CAPS2: variants seen among roughly 807,000 people sequenced by gnomAD.
CAPS2 encodes the protein calcyphosin-2.
A neutral mutation model predicts 86.5 loss-of-function variants in CAPS2; 98 were observed. That is an observed-to-expected ratio of 1.13 (90% CI 0.96 to 1.34). The LOEUF (loss-of-function observed/expected upper bound fraction) is 1.34, where lower values mean the gene tolerates loss of function less well. Among genes scored for constraint, CAPS2 ranks in the 40% most tolerant of loss-of-function variants. The pLI is 0.00. For synonymous variants in CAPS2, 210 were observed against 225.1 expected (o/e 0.93, Z 0.60); for missense variants, 729 against 686.8 (o/e 1.06, Z -0.69).
intron 11 of CAPS2, chr12:75,298,275 A>G (rs1272081447): frequency 1.8e-5 from 3 of 164,040 alleles, no homozygotes; most frequent in Non-Finnish European, 4.0e-5. Context: ...CTATCCATCA[A>G]AAAAATGACA....
At chr12:75,326,567 A>C (rs1363700307), upstream of CAPS2, 6 of 871,844 alleles carry the variant, frequency 6.9e-6, no homozygotes, top group Admixed American at 1.3e-4. Flanking sequence ...GGTAATTCTT[A>C]CTCTAATTTT....
Position 75,296,483 on chromosome 12 carries a change from G to A in CAPS2, c.1044+2204C>T, listed in dbSNP as rs1325002375. Among the ~76,000 whole-genome samples the A allele has an allele frequency of 2.6e-5, 4 of 152,030 alleles. No individual in the cohort carries two copies. The South Asian group carries it at 6.2e-4, about 24-fold the overall frequency. On this transcript the variant is annotated intron_variant, in intron 11 of 16. Transcript: ENST00000393284. ...ATTTTTTTGTATTTTTAGTAGAGAC[G>A]GGGTTTCACTGTGTTAGCCAGGATG...
chr12:75,363,132 A>G (rs1301889720), intron 1 of CAPS2: 7 of 1,561,350 alleles, frequency 4.5e-6, no homozygotes, highest in Non-Finnish European at 6.0e-6. Context: ...CTCCTTACGT[A>G]AGAGGAGAAT....
chr12:75,278,013 T>C, exon 17 of CAPS2: 1 of 896,102 alleles, frequency 1.1e-6, no homozygotes, highest in Non-Finnish European at 1.3e-6. Context: ...TTTCACATTT[T>C]AGGCAATAAT....
chr12:75,308,419 C>T (rs1593422078), intron 7 of CAPS2, among the ~76,000 whole-genome samples: 1 of 152,246 alleles, frequency 6.6e-6, no homozygotes, highest in Non-Finnish European at 1.5e-5. Context: ...TGCAATCAGG[C>T]CCTTGAGCCA....
intron 13 of CAPS2, among the ~76,000 whole-genome samples, chr12:75,290,314 G>A (rs572999036): frequency 2.0e-5 from 3 of 152,232 alleles, no homozygotes; most frequent in Non-Finnish European, 2.9e-5. Flanking sequence ...TTCATAAGAG[G>A]TTATTTGCTT....
chr12:75,321,032 A>G (rs546767660), intron 5 of CAPS2, among the ~76,000 whole-genome samples: 46 of 152,164 alleles, frequency 3.0e-4, no homozygotes, highest in Non-Finnish European at 6.6e-4. Context: ...CAAATCACTT[A>G]TCAATTTTAA....
At chr12:75,367,268 GAA>G (rs35250320) in intron 1 of CAPS2, among the ~76,000 whole-genome samples, 2,803 of 88,790 alleles carry the variant, frequency 0.032, 40 homozygotes, top group African/African-American at 0.068. Flanking sequence ...TTCCTAGGAG[GAA>G]AAAAAAAAAA....
rs1265303041 is a variant in CAPS2 at position 75,282,669 on chromosome 12, G to A, written c.1516-322C>T. Among the ~76,000 whole-genome samples the A allele has an allele frequency of 3.9e-5, 6 of 152,170 alleles. No homozygotes were observed. The East Asian group carries it at 9.6e-4, about 24-fold the overall frequency. On this transcript the variant is annotated intron_variant, in intron 15 of 16. Coordinates refer to ENST00000393284, the Ensembl canonical transcript of CAPS2. ...CCCAAAGTACTGGGATTATAGGCAT[G>A]AGCCACCACGTCCGGCCTGGCAAAT...
chr12:75,299,475 T>C (rs1224592763), intron 9 of CAPS2, among the ~76,000 whole-genome samples: 2 of 152,156 alleles, frequency 1.3e-5, no homozygotes, highest in African/African-American at 4.8e-5. Flanking sequence ...TTACTGCACC[T>C]ATCAATAATC....
At chr12:75,325,819 G>A (rs563680770) in intron 1 of CAPS2, among the ~76,000 whole-genome samples, 107 of 152,128 alleles carry the variant, frequency 7.0e-4, no homozygotes, top group African/African-American at 2.1e-3. Flanking sequence ...GGGGGGTAGG[G>A]CCAAGCTGTT....
intron 1 of CAPS2, among the ~76,000 whole-genome samples, chr12:75,382,945 C>G (rs1157406712): frequency 4.6e-5 from 7 of 152,098 alleles, no homozygotes; most frequent in Non-Finnish European, 4.4e-5. Flanking sequence ...TTCCAATGCC[C>G]TCAGGAAACC....
At chr12:75,299,965 G>A in intron 8 of CAPS2, 54 bp from the exon 9 acceptor site, 2 of 704,338 alleles carry the variant, frequency 2.8e-6, no homozygotes, top group South Asian at 2.4e-5. Flanking sequence ...TAACTTGATG[G>A]AAATTGTAAA....
chr12:75,331,700 A>T (rs2041327785), upstream of CAPS2, among the ~76,000 whole-genome samples: 1 of 150,598 alleles, frequency 6.6e-6, no homozygotes, highest in African/African-American at 2.4e-5. Flanking sequence ...AGTAGCTGGG[A>T]CTACAGGCGC....
intron 1 of CAPS2, among the ~76,000 whole-genome samples, chr12:75,388,536 T>A (rs1190874439): frequency 6.6e-6 from 1 of 152,166 alleles, no homozygotes; most frequent in African/African-American, 2.4e-5. Context: ...GAAGCCAATC[T>A]GAAAAGACTA....
chr12:75,334,811 T>C (rs776451476), upstream of CAPS2: 5 of 1,613,964 alleles, frequency 3.1e-6, no homozygotes, highest in South Asian at 3.3e-5. Context: ...ATCCCATCCA[T>C]CACTGACCCA....
At chr12:75,323,030 G>A (rs1327666806) in exon 4 of CAPS2, 2 of 1,550,724 alleles carry the variant, frequency 1.3e-6, no homozygotes, top group Non-Finnish European at 1.7e-6. Context: ...ACCCAGCCAA[G>A]AGTAGAAGAT....
At chr12:75,306,397 T>G in intron 7 of CAPS2, 1 of 391,678 alleles carries the variant, frequency 2.6e-6, no homozygotes, top group Non-Finnish European at 4.8e-6. Flanking sequence ...TTTCTGACCC[T>G]CACCAGGCCT....
chr12:75,346,703 T>C (rs1331192008), intron 1 of CAPS2, among the ~76,000 whole-genome samples: 1 of 152,218 alleles, frequency 6.6e-6, no homozygotes, highest in African/African-American at 2.4e-5. Context: ...CTTTTGCTGG[T>C]AAATATTTTT....
Sources: gnomAD v4.1 joint callset for allele counts (sites outside exome capture counted in the v4.1 genomes callset) on GRCh38, gnomAD v4.1.1 for gene constraint, MANE v1.5 for transcripts, NCBI Gene and HGNC (gene_info 2026-07-23, HGNC 2026-07-21) for gene names.